TMEM256: variants seen among roughly 807,000 people sequenced by gnomAD.
TMEM256 encodes the protein UPF0451 protein C17orf61.
TMEM256 carries 14 observed loss-of-function variants against 14.8 expected under a neutral mutation model. That is an observed-to-expected ratio of 0.95 (90% CI 0.63 to 1.48). The LOEUF is 1.48. Among genes scored for constraint, TMEM256 ranks in the 40% most tolerant of loss-of-function variants. TMEM256 has a pLI of 0.00. For missense variants in TMEM256, 146 were observed against 137.9 expected (o/e 1.06, Z -0.30); for synonymous variants, 68 against 60.7 (o/e 1.12, Z -0.56).
intron 1 of TMEM256, 88 bp downstream of exon 1, chr17:7,403,912 G>A: frequency 7.1e-7 from 1 of 1,406,080 alleles, no homozygotes; most frequent in Non-Finnish European, 9.6e-7. Flanking sequence ...TAAACGAGAG[G>A]CCGGGCACCT....
At chr17:7,403,618 T>C (rs1253635899) in intron 2 of TMEM256, 40 bp downstream of exon 2, 1 of 1,611,446 alleles carries the variant, frequency 6.2e-7, no homozygotes, top group South Asian at 1.1e-5. Context: ...TGTGCCTTCG[T>C]AGACCCACGA....
chr17:7,403,266 G>A, intron 3 of TMEM256, 44 bp downstream of exon 3: 1 of 1,614,080 alleles, frequency 6.2e-7, no homozygotes, highest in Non-Finnish European at 8.5e-7. Context: ...GGCTGAGAGG[G>A]AGTGTGTGGG....
At chr17:7,403,274 G>A (rs1412826614) in intron 3 of TMEM256, 36 bp downstream of exon 3, 1 of 1,609,052 alleles carries the variant, frequency 6.2e-7, no homozygotes, top group Non-Finnish European at 8.5e-7. Flanking sequence ...GGGAGTGTGT[G>A]GGGCTTGGTC....
chr17:7,404,052 C>G lies in TMEM256; in HGVS notation c.33G>C (p.Leu11Phe), dbSNP rs1237660348. The change falls in exon 1 of 4, where the codon TTG (leucine) becomes TTC (phenylalanine). Residue 11 changes from leucine to phenylalanine, a missense_variant. Transcript: ENST00000302422. Reference sequence around the variant, plus strand: ...AGGCCGCAGCTCCGGACAAGGCGCCCAAGCGGCGGAAAGCTGCAGCTGGCC... The same window carrying G: ...AGGCCGCAGCTCCGGACAAGGCGCCGAAGCGGCGGAAAGCTGCAGCTGGCC... MAGPAAAFRRLGALSGAAALG... is the reference protein window; with the variant it reads MAGPAAAFRRFGALSGAAALG... 1 of 1,600,702 alleles carries G rather than the reference C, an allele frequency of 6.2e-7. No individual in the cohort carries two copies. Among genetic ancestry groups the G allele is most frequent in the Non-Finnish European group, 8.5e-7 (1 of 1,173,762 alleles).
Position 7,403,983 on chromosome 17 carries a change from G to A in TMEM256, c.85+17C>T, listed in dbSNP as rs776794379. ...ACGCCCCAAGTACAGTCCCATCTTCGTCCCCAGCCCCCTGACCGTGCGCCC... is the reference window on the plus strand; with the variant it reads ...ACGCCCCAAGTACAGTCCCATCTTCATCCCCAGCCCCCTGACCGTGCGCCC... On this transcript the variant is annotated intron_variant, in intron 1 of 3. Coordinates refer to ENST00000302422, the MANE Select transcript of TMEM256 (RefSeq NM_152766.5). 4 of 1,564,856 alleles carry A rather than the reference G, an allele frequency of 2.6e-6. No individual in the cohort carries two copies. Among genetic ancestry groups the A allele is most frequent in the Non-Finnish European group, 3.5e-6 (4 of 1,152,260 alleles).
Position 7,404,039 on chromosome 17 carries a change from C to G in TMEM256, c.46G>C (p.Gly16Arg), listed in dbSNP as rs777538396. 2.5e-6 allele frequency: 4 copies of G among 1,602,208 alleles called. No individual in the cohort carries two copies. In the Admixed American group the frequency reaches 5.1e-5, roughly 21 times the overall value. Residue 16 changes from glycine (G) to arginine (R), a missense_variant, in exon 1 of 4, where the codon GGA becomes CGA. Transcript: ENST00000302422. ...AAFRRLGALS[G>R]AAALGFASYG... ...GAAGCGAAGCCTAAGGCCGCAGCTC[C>G]GGACAAGGCGCCCAAGCGGCGGAAA...
At chr17:7,403,924 C>A (rs1906466294) in intron 1 of TMEM256, 76 bp downstream of exon 1, 13 of 1,452,446 alleles carry the variant, frequency 9.0e-6, no homozygotes, top group African/African-American at 1.4e-5. Flanking sequence ...CGGGCACCTC[C>A]CATAGGTTAC....
rs1352276031 is a variant in TMEM256, at chr17:7,403,303, AG to A, written c.198+6del. The A allele has an allele frequency of 4.3e-6, 7 of 1,614,088 alleles. No individual in the cohort carries two copies. The East Asian group carries it at 1.3e-4, about 31-fold the overall frequency. On this transcript the variant is annotated splice_donor_region_variant and intron_variant, in intron 3 of 3. Coordinates refer to ENST00000302422, the MANE Select transcript of TMEM256 (RefSeq NM_152766.5). ...CTTGGTCAGGGTTAGGCGCAGGGAA[AG>A]ATTACCCAGAGTGGCTTTCTGCAAT...
At chr17:7,403,576 C>T (rs1906432574) in intron 2 of TMEM256, 82 bp downstream of exon 2, 4 of 1,426,136 alleles carry the variant, frequency 2.8e-6, no homozygotes, top group Non-Finnish European at 3.9e-6. Flanking sequence ...CCCACCCTCT[C>T]CCCGCCCACT....
chr17:7,403,409 C>T lies in TMEM256; in HGVS notation c.118-19G>A, dbSNP rs963553335. On this transcript the variant is annotated intron_variant, in intron 2 of 3. Coordinates refer to ENST00000302422, the MANE Select transcript of TMEM256 (RefSeq NM_152766.5). ...CAAACAGCTGTAAGAAAAACAGAAA[C>T]GAAGGGATGTCGTAGGCAATACAGG... 1.1e-5 allele frequency: 18 copies of T among 1,611,432 alleles called. No homozygotes were observed. The Middle Eastern group carries it at 4.9e-4, about 44-fold the overall frequency.
At chr17:7,403,949 C>T in intron 1 of TMEM256, 51 bp downstream of exon 1, 1 of 1,508,274 alleles carries the variant, frequency 6.6e-7, no homozygotes, top group Non-Finnish European at 8.9e-7. Context: ...TTGCAGCAGA[C>T]CCCAGAGGAC....
chr17:7,404,077 C>A lies in TMEM256; in HGVS notation c.8G>T (p.Gly3Val). 6.3e-7 allele frequency: 1 copy of A among 1,589,118 alleles called. No homozygotes were observed. The highest frequency in any genetic ancestry group is 1.1e-5 in the South Asian group (1 of 87,536). MAGPAAAFRRLGA... is the reference protein window; with the variant it reads MAVPAAAFRRLGA... The stretch of plus-strand genomic sequence containing the variant: ...CAAGCGGCGGAAAGCTGCAGCTGGC[C>A]CGGCCATAGCTGTAGAACAGGACGC... The change falls in exon 1 of 4, where the codon GGG becomes GTG. Residue 3 changes from glycine to valine, a missense_variant. Transcript: ENST00000302422.
At chr17:7,403,876 G>A in intron 1 of TMEM256, 124 bp downstream of exon 1, 1 of 1,325,728 alleles carries the variant, frequency 7.5e-7, no homozygotes, top group Non-Finnish European at 1.0e-6. Flanking sequence ...GACTTTAAAA[G>A]GTTTAGGGCT....
intron 2 of TMEM256, 100 bp from the exon 3 acceptor site, chr17:7,403,490 T>A: frequency 6.7e-7 from 1 of 1,490,702 alleles, no homozygotes; most frequent in Non-Finnish European, 9.3e-7. Context: ...ACCCCACCCT[T>A]GAAGTCCCAG....
Position 7,403,328 on chromosome 17 carries a change from A to G in TMEM256, c.180T>C (p.His60=). Residue 60 remains histidine, a synonymous_variant, in exon 3 of 4, where the codon CAT becomes CAC. Transcript: ENST00000302422. ...LHSLALLGVP[H]CRKPLWAGLL... is the part of the protein sequence containing the mutation. Reference sequence around the variant, plus strand: ...AGATTACCCAGAGTGGCTTTCTGCAATGGGGCACCCCTAACAGGGCCAGGC... The same window carrying G: ...AGATTACCCAGAGTGGCTTTCTGCAGTGGGGCACCCCTAACAGGGCCAGGC... 2 of 1,614,224 alleles carry G rather than the reference A, an allele frequency of 1.2e-6. No homozygotes were observed. Among genetic ancestry groups the G allele is most frequent in the Non-Finnish European group, 1.7e-6 (2 of 1,180,028 alleles).
intron 1 of TMEM256, 28 bp from the exon 2 acceptor site, chr17:7,403,717 G>C: frequency 6.2e-7 from 1 of 1,612,866 alleles, no homozygotes; most frequent in Non-Finnish European, 8.5e-7. Flanking sequence ...AAAGGTTAGC[G>C]GTCCTAGTGC....
At chr17:7,403,862 G>A in intron 1 of TMEM256, 138 bp downstream of exon 1, 2 of 1,291,770 alleles carry the variant, frequency 1.5e-6, no homozygotes, top group Non-Finnish European at 2.1e-6. Flanking sequence ...GGACCCAGCT[G>A]GGGGACTTTA....
chr17:7,404,050 C>G lies in TMEM256; in HGVS notation c.35G>C (p.Gly12Ala), dbSNP rs757908414. 2 of 1,601,404 alleles carry G rather than the reference C, an allele frequency of 1.2e-6. No individual in the cohort carries two copies. The highest frequency in any genetic ancestry group is 2.7e-5 in the African/African-American group (2 of 74,772). The change falls in exon 1 of 4, where the codon GGC (glycine) becomes GCC (alanine). Residue 12 changes from glycine to alanine, a missense_variant. By Grantham distance (60) the Gly-to-Ala change is moderately conservative. Coordinates refer to ENST00000302422, the MANE Select transcript of TMEM256 (RefSeq NM_152766.5). ...AGPAAAFRRL[G>A]ALSGAAALGF... The stretch of plus-strand genomic sequence containing the variant: ...TAAGGCCGCAGCTCCGGACAAGGCG[C>G]CCAAGCGGCGGAAAGCTGCAGCTGG...
chr17:7,403,107 C>A lies in TMEM256; in HGVS notation c.301G>T (p.Gly101Trp), dbSNP rs971764515. 4 of 1,614,028 alleles carry A rather than the reference C, an allele frequency of 2.5e-6. No homozygotes were observed. The African/African-American group carries it at 5.3e-5, about 22-fold the overall frequency. ...PSIQTLAPAG[G>W]TLLLLGWLAL... ...AGCCAGCCCAAGAGTAGCAGGGTCC[C>A]TCCCGCAGGGGCCAAAGTCTGGATG... The change falls in exon 4 of 4, where the codon GGG becomes TGG. Residue 101 changes from glycine (G) to tryptophan (W), a missense_variant. Gly to Trp is a radical substitution (Grantham distance 184). Transcript: ENST00000302422.
Sources: allele counts gnomAD v4.1 joint callset, GRCh38; gene constraint gnomAD v4.1.1; transcripts MANE v1.5; gene names NCBI Gene and HGNC (gene_info 2026-07-23, HGNC 2026-07-21).